Variants in PLEKHO1 observed in about 807,000 individuals in gnomAD.
PLEKHO1 encodes the protein pleckstrin homology domain containing O1, also known as pleckstrin homology domain-containing family O member 1.
Under a neutral mutation model 41.4 loss-of-function variants are expected in PLEKHO1, and 22 were observed. That is an observed-to-expected ratio of 0.53 (90% confidence interval 0.38 to 0.76). The LOEUF is 0.76. Ranked by LOEUF, PLEKHO1 falls within the 30% of genes least tolerant of loss-of-function variation. The probability of loss-of-function intolerance (pLI) is 0.00; values close to 1 mark genes in which losing one functional copy is unlikely to be tolerated. For synonymous variants in PLEKHO1, 225 were observed against 210.8 expected (o/e 1.07, Z -0.58); for missense variants, 488 against 518.3 (o/e 0.94, Z 0.57).
At chr1:150,151,483 A>C (rs1571941628) in intron 2 of PLEKHO1, among the ~76,000 whole-genome samples, 1 of 152,070 alleles carries the variant, frequency 6.6e-6, no homozygotes, top group Non-Finnish European at 1.5e-5. Flanking sequence ...CTGTGGCAGG[A>C]GCGTGCACAG....
rs782576868 is a variant in PLEKHO1 at position 150,159,306 on chromosome 1, A to AC, written c.1019dup (p.Arg341SerfsTer7). On this transcript the variant is annotated frameshift_variant, in exon 6 of 6. Transcript: ENST00000369124. LOFTEE classifies it high-confidence loss of function. Reference sequence around the variant, plus strand: ...GGAGATGGGAAGCGAAAGGCCAAGGACCCCCCTCGGTCTCCGCCGGATTCT... The same window carrying AC: ...GGAGATGGGAAGCGAAAGGCCAAGGACCCCCCCTCGGTCTCCGCCGGATTCT... The AC allele has an allele frequency of 6.2e-7, 1 of 1,613,796 alleles. No homozygotes were observed. The highest frequency in any genetic ancestry group is 1.1e-5 in the South Asian group (1 of 91,038).
chr1:150,149,833 C>CG (rs1338856040), upstream of PLEKHO1: 5 of 152,542 alleles, frequency 3.3e-5, no homozygotes, highest in African/African-American at 1.2e-4. Context: ...GCCCGAGCTG[C>CG]GGCTCCGCGA....
chr1:150,159,569 C>T lies in PLEKHO1; in HGVS notation c.*46C>T, dbSNP rs1209404830. The T allele has an allele frequency of 1.9e-5, 24 of 1,248,542 alleles. No homozygotes were observed. The highest frequency in any genetic ancestry group is 2.7e-5 in the Non-Finnish European group (24 of 899,850). The allele number at this position is 1,248,542 out of a possible 1,614,324, so 77.3% of individuals were successfully genotyped here. On this transcript the variant is annotated 3_prime_UTR_variant, in exon 6 of 6. Transcript: ENST00000369124. ...CTTGTCGGGTTGGACAGACTCTTATCTCCGTGTTGCTGGATAAAGCTTTTT... is the reference window on the plus strand; with the variant it reads ...CTTGTCGGGTTGGACAGACTCTTATTTCCGTGTTGCTGGATAAAGCTTTTT...
intron 4 of PLEKHO1, 153 bp downstream of exon 4, chr1:150,157,168 T>C (rs1660207006): frequency 2.9e-6 from 2 of 696,584 alleles, no homozygotes; most frequent in African/African-American, 1.8e-5. Context: ...GATCTCTTTC[T>C]ACCTTCTCTC....
chr1:150,149,660 G>A (rs1369096619), upstream of PLEKHO1: 2 of 152,470 alleles, frequency 1.3e-5, no homozygotes, highest in Non-Finnish European at 2.9e-5. Context: ...CCGCCCACTG[G>A]GCCCCGGGGC....
chr1:150,151,100 C>A, intron 2 of PLEKHO1, 42 bp downstream of exon 2: 1 of 1,609,854 alleles, frequency 6.2e-7, no homozygotes, highest in South Asian at 1.1e-5. Context: ...TCTCATAGCC[C>A]CCACTTTGTC....
chr1:150,156,421 C>T (rs1356279769), intron 3 of PLEKHO1, among the ~76,000 whole-genome samples: 1 of 152,124 alleles, frequency 6.6e-6, no homozygotes, highest in Non-Finnish European at 1.5e-5. Context: ...CAAAGATCAT[C>T]TCTCTATATA....
At chr1:150,156,289 C>A in intron 3 of PLEKHO1, 83 bp downstream of exon 3, 1 of 1,195,102 alleles carries the variant, frequency 8.4e-7, no homozygotes, top group Non-Finnish European at 1.2e-6. Flanking sequence ...CTCAGTTTCT[C>A]TCTCAGCAAT....
Position 150,159,444 on chromosome 1 carries a change from G to A in PLEKHO1, c.1151G>A (p.Arg384Lys), listed in dbSNP as rs374707487. Residue 384 changes from arginine (R) to lysine (K), a missense_variant, in exon 6 of 6, where the codon AGA becomes AAA. This residue lies in a region of PLEKHO1 where 337 missense variants were observed against 324.6 expected (regional missense o/e 1.04). Coordinates refer to ENST00000369124, the MANE Select transcript of PLEKHO1 (RefSeq NM_016274.6). The stretch of plus-strand genomic sequence containing the variant: ...GTCAGGGAGCTGAGAGACCTGTACA[G>A]ACAGATGGACCTGCAGACCCCGGAC... ...QEVRELRDLY[R>K]QMDLQTPDSH... 14 of 1,613,996 alleles carry A rather than the reference G, an allele frequency of 8.7e-6. No homozygotes were observed. The highest frequency in any genetic ancestry group is 1.3e-5 in the African/African-American group (1 of 74,896).
At chr1:150,157,574 C>A in intron 5 of PLEKHO1, 88 bp downstream of exon 5, 1 of 865,608 alleles carries the variant, frequency 1.2e-6, no homozygotes, top group Non-Finnish European at 1.9e-6. Context: ...GAGGCATTTG[C>A]GGGAGGCCTC....
Position 150,150,895 on chromosome 1 carries a change from A to G in PLEKHO1, c.31-17A>G, listed in dbSNP as rs782518065. ...GGAATCTCCTAACCGCCCGCTTCTC[A>G]TCTTGTCCTGGGGCAGGGACCTCAG... On this transcript the variant is annotated splice_polypyrimidine_tract_variant and intron_variant, in intron 1 of 5. Transcript: ENST00000369124. The G allele has an allele frequency of 1.2e-6, 2 of 1,612,702 alleles. No homozygotes were observed. The highest frequency in any genetic ancestry group is 1.1e-5 in the South Asian group (1 of 91,026).
intron 3 of PLEKHO1, among the ~76,000 whole-genome samples, 180 bp from the exon 4 acceptor site, chr1:150,156,731 A>G (rs587771881): frequency 1.9e-4 from 29 of 152,302 alleles, no homozygotes; most frequent in Admixed American, 7.2e-4. Context: ...CCTCCTAGCT[A>G]TGCATTTTGC....
intron 2 of PLEKHO1, among the ~76,000 whole-genome samples, chr1:150,151,332 C>G (rs939362806): frequency 2.6e-5 from 4 of 152,230 alleles, no homozygotes; most frequent in Admixed American, 6.5e-5. Context: ...CCCAGAAGTT[C>G]TAAGTGTCCC....
chr1:150,150,449 T>G (rs1659851416), intron 1 of PLEKHO1, among the ~76,000 whole-genome samples, 162 bp downstream of exon 1: 2 of 148,564 alleles, frequency 1.3e-5, no homozygotes, highest in African/African-American at 2.5e-5. Context: ...CCGCGGGGGC[T>G]TTTGTTTGTT....
chr1:150,151,072 G>C lies in PLEKHO1; in HGVS notation c.177+14G>C. The C allele has an allele frequency of 1.2e-6, 2 of 1,613,656 alleles. No homozygotes were observed. On this transcript the variant is annotated intron_variant, in intron 2 of 5. Transcript: ENST00000369124. Reference sequence around the variant, plus strand: ...TCTGAGAAGGAGGTGGGTGCCTCTTGCCTCTAACTCTCCGTTTTCTCATAG... The same window carrying C: ...TCTGAGAAGGAGGTGGGTGCCTCTTCCCTCTAACTCTCCGTTTTCTCATAG...
chr1:150,157,718 G>T (rs1553820748), intron 5 of PLEKHO1, among the ~76,000 whole-genome samples: 1 of 152,234 alleles, frequency 6.6e-6, no homozygotes, highest in Non-Finnish European at 1.5e-5. Context: ...CTCTTTCGGA[G>T]AAAATGAGTT....
chr1:150,158,713 G>A (rs1180007210), intron 5 of PLEKHO1, 106 bp from the exon 6 acceptor site: 6 of 793,024 alleles, frequency 7.6e-6, no homozygotes, highest in African/African-American at 6.9e-5. Flanking sequence ...TCTCATTCAA[G>A]GAAGGCTTGT....
At chr1:150,156,880 C>T (rs782214310) in intron 3 of PLEKHO1, 31 bp from the exon 4 acceptor site, 1 of 1,351,176 alleles carries the variant, frequency 7.4e-7, no homozygotes, top group East Asian at 2.3e-5. Flanking sequence ...CCTCTAAAAC[C>T]CTGGCTGAAA....
intron 2 of PLEKHO1, chr1:150,152,723 A>G (rs587740458): frequency 8.3e-5 from 12 of 144,496 alleles, no homozygotes; most frequent in Admixed American, 7.1e-4. Flanking sequence ...CAAGTGTCAA[A>G]GTGTATCTCC....
Sources: allele counts gnomAD v4.1 joint callset (sites outside exome capture counted in the v4.1 genomes callset), GRCh38; gene constraint gnomAD v4.1.1; regional missense constraint gnomAD v4.1.1; transcripts MANE v1.5; gene names NCBI Gene and HGNC (gene_info 2026-07-23, HGNC 2026-07-21).